The following MYOF variants were observed in gnomAD, a reference collection of about 807,000 sequenced individuals.
MYOF encodes fer-1-like 3, myoferlin.
A neutral mutation model predicts 284.2 loss-of-function variants in MYOF; 244 were observed. The observed-to-expected ratio is 0.86, with a 90% confidence interval of 0.77 to 0.95. MYOF has a LOEUF of 0.95. Among genes scored for constraint, MYOF ranks in the 40% least tolerant of loss-of-function variants. The pLI, the probability that MYOF is intolerant of heterozygous loss-of-function variation, is 0.00. For missense variants in MYOF, 2,496 were observed against 2,560.6 expected, an observed-to-expected ratio of 0.97 and a Z score of 0.54; for synonymous variants, 904 against 919.7, an observed-to-expected ratio of 0.98 and a Z score of 0.31.
chr10:93,476,315 G>A (rs1158911295), intron 1 of MYOF, among the ~76,000 whole-genome samples: 1 of 135,840 alleles, frequency 7.4e-6, no homozygotes, highest in Non-Finnish European at 1.5e-5. Flanking sequence ...GCAGTGGCGC[G>A]ATCTCAGCTC....
rs1282565462 is a variant in MYOF, at chr10:93,333,645, A to G, written c.4719+113T>C. 9 of 1,365,370 alleles carry G rather than the reference A, an allele frequency of 6.6e-6. No individual in the cohort carries two copies. The African/African-American group carries it at 1.2e-4, about 18-fold the overall frequency. The allele number at this position is 1,365,370 out of a possible 1,614,324, so 84.6% of individuals were successfully genotyped here. A position where few individuals can be genotyped will look rare whatever the true frequency, so the allele number is the denominator to read the frequency against. ...CCTGAATACATTGTTTTGATGGAGT[A>G]TCTTTCCCCTAGTGAGATAACAGAC... On this transcript the variant is annotated intron_variant, in intron 42 of 53. Coordinates refer to ENST00000359263, the MANE Select transcript of MYOF (RefSeq NM_013451.4).
At chr10:93,377,044 C>A (rs373827383) in intron 22 of MYOF, among the ~76,000 whole-genome samples, 2 of 152,108 alleles carry the variant, frequency 1.3e-5, no homozygotes, top group Non-Finnish European at 2.9e-5. Context: ...CTTCTTTCTC[C>A]GCTCCCCATC....
intron 28 of MYOF, among the ~76,000 whole-genome samples, chr10:93,360,917 C>T (rs10882219): frequency 0.046 from 6,968 of 152,206 alleles, 389 homozygotes; most frequent in African/African-American, 0.14. Flanking sequence ...GGCCCCATCA[C>T]CTGATGTTTT....
intron 1 of MYOF, 74 bp from the exon 2 acceptor site, chr10:93,457,011 T>C: frequency 8.9e-7 from 1 of 1,118,150 alleles, no homozygotes; most frequent in Non-Finnish European, 1.3e-6. Context: ...TCATTTATTC[T>C]AAGAACATTA....
intron 3 of MYOF, among the ~76,000 whole-genome samples, chr10:93,443,673 G>T (rs2056344821): frequency 6.6e-6 from 1 of 152,122 alleles, no homozygotes; most frequent in Non-Finnish European, 1.5e-5. Flanking sequence ...AACTCTCAGG[G>T]CTCACCTCAT....
chr10:93,359,798 T>C (rs202067850), intron 29 of MYOF, 35 bp downstream of exon 29: 8 of 1,611,494 alleles, frequency 5.0e-6, no homozygotes, highest in Non-Finnish European at 6.8e-6. Flanking sequence ...AGGGCAGAGC[T>C]CCCCAGTCCA....
chr10:93,421,939 T>G (rs888882743), intron 5 of MYOF, among the ~76,000 whole-genome samples: 4 of 152,126 alleles, frequency 2.6e-5, no homozygotes, highest in Non-Finnish European at 4.4e-5. Flanking sequence ...AGGTTTGTTT[T>G]TTTTTTTTAA....
intron 51 of MYOF, among the ~76,000 whole-genome samples, chr10:93,312,613 G>T (rs1842437761): frequency 1.3e-5 from 2 of 151,604 alleles, no homozygotes; most frequent in Admixed American, 1.3e-4. Context: ...ACCTGCCTTG[G>T]ATTACAGGCA....
chr10:93,409,866 G>A (rs1387599182), intron 5 of MYOF, 127 bp from the exon 6 acceptor site: 3 of 1,168,362 alleles, frequency 2.6e-6, no homozygotes, highest in East Asian at 4.7e-5. Flanking sequence ...GCAGGTGAAG[G>A]AGATCCTCTT....
chr10:93,397,348 T>TTCTG (rs753886458), intron 14 of MYOF, 40 bp downstream of exon 14: 3 of 1,591,850 alleles, frequency 1.9e-6, no homozygotes, highest in Non-Finnish European at 2.6e-6. Flanking sequence ...AATTATTAAG[T>TTCTG]AAGTATTCTT....
Position 93,401,421 on chromosome 10 carries a change from G to T in MYOF, c.1114C>A (p.Gln372Lys). The T allele has an allele frequency of 6.2e-7, 1 of 1,614,032 alleles. No individual in the cohort carries two copies. The highest frequency in any genetic ancestry group is 8.5e-7 in the Non-Finnish European group (1 of 1,179,984). ...GCAAGATTAAATCAGTACATACTCT[G>T]GGGGATGTCCTCAGCTCGGTAGATT... is the stretch of plus-strand genomic sequence containing the variant. ...LKIYRAEDIP[Q>K]MDDAFSQTVK... The change falls in exon 12 of 54, where the codon CAG becomes AAG. Residue 372 changes from glutamine (Q) to lysine (K), a missense_variant. Physicochemically the swap from Gln to Lys is moderately conservative, Grantham distance 53. Coordinates refer to ENST00000359263, the MANE Select transcript of MYOF (RefSeq NM_013451.4).
intron 31 of MYOF, 75 bp downstream of exon 31, chr10:93,355,553 C>G: frequency 8.2e-7 from 1 of 1,216,380 alleles, no homozygotes; most frequent in South Asian, 1.4e-5. Flanking sequence ...GCACTCCAGC[C>G]TGGGTGATAG....
chr10:93,478,479 AC>A, intron 1 of MYOF: 1 of 156,950 alleles, frequency 6.4e-6, no homozygotes, highest in Non-Finnish European at 1.4e-5. Flanking sequence ...GACTACAGCA[AC>A]CCCCAGATCC....
intron 19 of MYOF, among the ~76,000 whole-genome samples, chr10:93,385,534 G>T (rs1846322294): frequency 6.6e-6 from 1 of 152,234 alleles, no homozygotes; most frequent in African/African-American, 2.4e-5. Context: ...TTTGTAGGTT[G>T]ACTGCATTCG....
Position 93,349,887 on chromosome 10 carries a change from C to T in MYOF, c.4004G>A (p.Gly1335Glu), listed in dbSNP as rs1844419467. The change falls in exon 36 of 54, where the codon GGA becomes GAA. Residue 1335 changes from glycine (G) to glutamate (E), a missense_variant. Around this residue, in one of 3 missense-constraint regions of MYOF, gnomAD observed 2,436 missense variants for 2,480.7 expected, o/e 0.98. Transcript: ENST00000359263. ...TSPSLVVECG[G>E]ERVESVVIKN... ...GATCACCACCGATTCCACCCTTTCT[C>T]CTCCACACTCCACAACAAGACTGGG... is the stretch of plus-strand genomic sequence containing the variant. 6 of 1,614,000 alleles carry T rather than the reference C, an allele frequency of 3.7e-6. No individual in the cohort carries two copies. Among genetic ancestry groups the T allele is most frequent in the Middle Eastern group, 1.6e-4 (1 of 6,084 alleles).
At position 93,340,148 on chromosome 10, in the gene MYOF, G is replaced by C; in HGVS notation, c.4338+5C>G. On this transcript the variant is annotated splice_donor_5th_base_variant and intron_variant, in intron 39 of 53. Coordinates refer to ENST00000359263, the MANE Select transcript of MYOF (RefSeq NM_013451.4). ...TAAATGTAGCAAAATGTATACCATA[G>C]TTACCTTTTCTGTCAGCTGCTCGTG... 1 of 1,613,846 alleles carries C rather than the reference G, an allele frequency of 6.2e-7. No individual in the cohort carries two copies. The highest frequency in any genetic ancestry group is 2.2e-5 in the East Asian group (1 of 44,872).
intron 40 of MYOF, among the ~76,000 whole-genome samples, chr10:93,337,097 A>C (rs908174142): frequency 2.0e-5 from 3 of 150,572 alleles, no homozygotes; most frequent in East Asian, 1.9e-4. Flanking sequence ...CTTAAGCTAC[A>C]CTGAGAAGTT....
At position 93,312,882 on chromosome 10, in the gene MYOF, C is replaced by CAAACT. The variant is rs567295929; in HGVS notation, c.5889+133_5889+137dup. 2.8e-3 allele frequency: 2,493 copies of CAAACT among 893,138 alleles called. 7 individuals are homozygous for CAAACT. The highest frequency in any genetic ancestry group is 3.2e-3 in the Non-Finnish European group (1,892 of 599,680). The allele number at this position is 893,138 out of a possible 1,614,324, so 55.3% of individuals were successfully genotyped here. A position where few individuals can be genotyped will look rare whatever the true frequency, so the allele number is the denominator to read the frequency against. ...GACAAAGGCAAACATATCCCAAAGACAAACTGTTCCCATAACTTAAACTCC... is the reference window on the plus strand; with the variant it reads ...GACAAAGGCAAACATATCCCAAAGACAAACTAAACTGTTCCCATAACTTAAACTCC... On this transcript the variant is annotated intron_variant, in intron 51 of 53. Transcript: ENST00000359263.
chr10:93,329,463 C>A (rs1365794044), intron 44 of MYOF, among the ~76,000 whole-genome samples: 3 of 152,218 alleles, frequency 2.0e-5, no homozygotes, highest in African/African-American at 7.2e-5. Flanking sequence ...CAGCTGCCAC[C>A]ATTTTACACA....
Sources: gnomAD v4.1 joint callset for allele counts (sites outside exome capture counted in the v4.1 genomes callset) on GRCh38, gnomAD v4.1.1 for gene constraint, gnomAD v4.1.1 regional missense constraint, MANE v1.5 for transcripts, NCBI Gene and HGNC (gene_info 2026-07-23, HGNC 2026-07-21) for gene names.